ROBO1: variants seen among roughly 807,000 people sequenced by gnomAD.
ROBO1 encodes the protein roundabout homolog 1.
ROBO1 carries 149 observed loss-of-function variants against 195.9 expected under a neutral mutation model. That is an observed-to-expected ratio of 0.76 (90% CI 0.67 to 0.87). The LOEUF (loss-of-function observed/expected upper bound fraction) is 0.87. ROBO1 is among the 40% of genes least tolerant of loss of function. The pLI, the probability that ROBO1 is intolerant of heterozygous loss-of-function variation, is 0.00. For synonymous variants in ROBO1, 816 were observed against 733.2 expected (o/e 1.11, Z -1.82); for missense variants, 1,933 against 2,068.3 (o/e 0.93, Z 1.27).
intron 2 of ROBO1, among the ~76,000 whole-genome samples, chr3:79,276,659 G>T (rs1296708599): frequency 6.6e-6 from 1 of 151,810 alleles, no homozygotes; most frequent in African/African-American, 2.4e-5. Context: ...TACAACAAAA[G>T]AAACAATCAA....
At chr3:79,408,123 C>A (rs1031769196) in intron 2 of ROBO1, among the ~76,000 whole-genome samples, 2 of 151,756 alleles carry the variant, frequency 1.3e-5, no homozygotes, top group Non-Finnish European at 2.9e-5. Context: ...GGCTGAGAGG[C>A]AGGAGATTCG....
intron 2 of ROBO1, among the ~76,000 whole-genome samples, chr3:79,545,417 C>T (rs1425900453): frequency 5.3e-5 from 8 of 152,124 alleles, no homozygotes; most frequent in Admixed American, 2.0e-4. Context: ...TAGACAGTCC[C>T]TGCATTTCGA....
At chr3:79,403,003 G>C (rs923048417) in intron 2 of ROBO1, among the ~76,000 whole-genome samples, 2 of 151,878 alleles carry the variant, frequency 1.3e-5, no homozygotes, top group African/African-American at 4.8e-5. Flanking sequence ...CATTGCTACT[G>C]TATGGTAAAC....
intron 1 of ROBO1, among the ~76,000 whole-genome samples, chr3:79,689,506 T>C (rs1292035604): frequency 6.6e-6 from 1 of 151,998 alleles, no homozygotes; most frequent in Non-Finnish European, 1.5e-5. Context: ...AAGTGAGATA[T>C]ATGGTACATC....
At chr3:79,030,434 T>C (rs902063729) in intron 3 of ROBO1, among the ~76,000 whole-genome samples, 2 of 152,204 alleles carry the variant, frequency 1.3e-5, no homozygotes, top group Non-Finnish European at 2.9e-5. Flanking sequence ...TCTGCTCTAG[T>C]TAAACTTTAA....
intron 22 of ROBO1, among the ~76,000 whole-genome samples, chr3:78,638,187 A>G (rs946989265): frequency 2.1e-5 from 3 of 144,478 alleles, no homozygotes; most frequent in Non-Finnish European, 3.1e-5. Flanking sequence ...GTGTGTGTAT[A>G]TATATGTGTG....
At chr3:79,762,409 A>G (rs1162415681) in intron 1 of ROBO1, among the ~76,000 whole-genome samples, 1 of 151,668 alleles carries the variant, frequency 6.6e-6, no homozygotes, top group Non-Finnish European at 1.5e-5. Flanking sequence ...TTCAGAACAT[A>G]GCGCAGTCTC....
intron 3 of ROBO1, among the ~76,000 whole-genome samples, chr3:79,124,892 A>G (rs1324600596): frequency 1.3e-5 from 2 of 152,166 alleles, no homozygotes; most frequent in Non-Finnish European, 2.9e-5. Context: ...TAATACAATT[A>G]GTTAATTTGT....
At chr3:79,550,197 A>AAAG (rs142251104) in intron 2 of ROBO1, among the ~76,000 whole-genome samples, 545 of 19,302 alleles carry the variant, frequency 0.028, 15 homozygotes, top group South Asian at 0.15. Context: ...GAAAGAAAGG[A>AAAG]AAAGAAAAGA....
At chr3:78,862,567 G>C (rs2034919115) in intron 4 of ROBO1, among the ~76,000 whole-genome samples, 2 of 152,076 alleles carry the variant, frequency 1.3e-5, no homozygotes, top group Admixed American at 1.3e-4. Context: ...GGCAGCAATA[G>C]AAAAATACTA....
At chr3:79,046,592 A>G (rs543673447) in intron 3 of ROBO1, among the ~76,000 whole-genome samples, 1 of 152,262 alleles carries the variant, frequency 6.6e-6, no homozygotes, top group African/African-American at 2.4e-5. Flanking sequence ...TTGGAGTCCA[A>G]TGTTCAAGGG....
intron 8 of ROBO1, among the ~76,000 whole-genome samples, chr3:78,701,080 T>C (rs184343630): frequency 0.011 from 1,691 of 152,258 alleles, 13 homozygotes; most frequent in Non-Finnish European, 0.017. Context: ...GTTCGTAAAA[T>C]GTAAAAATAG....
rs1559626872 is a variant in ROBO1, at chr3:78,598,873, A to T, written c.*40T>A. The T allele has an allele frequency of 6.8e-7, 1 of 1,460,958 alleles. No homozygotes were observed. The highest frequency in any genetic ancestry group is 1.3e-5 in the South Asian group (1 of 76,828). 90.5% of individuals were successfully genotyped at this position (1,460,958 alleles called of 1,614,324 possible). A position where few individuals can be genotyped will look rare whatever the true frequency, so the allele number is the denominator to read the frequency against. The stretch of plus-strand genomic sequence containing the variant: ...CATCTGACAGGAGGCATCTTGAGTG[A>T]TGATTTTCACATTAGATCTCATAAG... On this transcript the variant is annotated 3_prime_UTR_variant, in exon 31 of 31. Coordinates refer to ENST00000464233, the MANE Select transcript of ROBO1 (RefSeq NM_002941.4).
At chr3:79,454,859 AAC>A (rs1258045256) in intron 2 of ROBO1, among the ~76,000 whole-genome samples, 1 of 152,122 alleles carries the variant, frequency 6.6e-6, no homozygotes, top group Non-Finnish European at 1.5e-5. Context: ...AATGAGGTAA[AAC>A]ACAGAATTTG....
rs1180125163 is a variant in ROBO1, at chr3:79,071,815, AT to A, written c.172+53640del. Among the ~76,000 whole-genome samples the A allele has an allele frequency of 5.3e-5, 8 of 150,006 alleles. No individual in the cohort carries two copies. The East Asian group carries it at 5.9e-4, about 11-fold the overall frequency. On this transcript the variant is annotated intron_variant, in intron 3 of 30. Coordinates refer to ENST00000464233, the MANE Select transcript of ROBO1 (RefSeq NM_002941.4). Reference sequence around the variant, plus strand: ...AGCAGCAGAGACTTTACGGCAGAGTATTTTTTTTTGGTAAATTTTGTTTGAT... The same window carrying A: ...AGCAGCAGAGACTTTACGGCAGAGTATTTTTTTTGGTAAATTTTGTTTGAT...
chr3:79,013,315 T>A (rs2077834588), intron 3 of ROBO1, among the ~76,000 whole-genome samples: 1 of 152,222 alleles, frequency 6.6e-6, no homozygotes, highest in African/African-American at 2.4e-5. Context: ...TGCATCTGCA[T>A]CACCAGCAGA....
intron 2 of ROBO1, among the ~76,000 whole-genome samples, chr3:79,220,104 G>A (rs1197274115): frequency 1.3e-5 from 2 of 152,122 alleles, no homozygotes; most frequent in African/African-American, 4.8e-5. Flanking sequence ...AAGAAGGAAA[G>A]GGAATGTATG....
chr3:79,293,951 G>A (rs868331015), intron 2 of ROBO1, among the ~76,000 whole-genome samples: 13 of 149,286 alleles, frequency 8.7e-5, no homozygotes, highest in Middle Eastern at 3.4e-3. Flanking sequence ...CCAGCTACTC[G>A]GGAGGCTGAG....
intron 2 of ROBO1, among the ~76,000 whole-genome samples, chr3:79,396,097 A>G (rs1390004251): frequency 6.6e-6 from 1 of 152,096 alleles, no homozygotes; most frequent in Non-Finnish European, 1.5e-5. Flanking sequence ...AAAAGCTCTC[A>G]AGTATTTTTG....
Sources: allele counts gnomAD v4.1 joint callset (sites outside exome capture counted in the v4.1 genomes callset), GRCh38; gene constraint gnomAD v4.1.1; transcripts MANE v1.5; gene names NCBI Gene and HGNC (gene_info 2026-07-23, HGNC 2026-07-21).